The following TTLL5 variants were observed in gnomAD, a reference collection of about 807,000 sequenced individuals.
The protein encoded by TTLL5 is tubulin polyglutamylase TTLL5.
Under a neutral mutation model 168.4 loss-of-function variants are expected in TTLL5, and 132 were observed. The observed-to-expected ratio is 0.78, with a 90% CI of 0.68 to 0.91. The LOEUF is 0.91. Among genes scored for constraint, TTLL5 ranks in the 40% least tolerant of loss-of-function variants. The pLI is 0.00. For missense variants in TTLL5, 1,545 were observed against 1,581.5 expected (o/e 0.98, Z 0.39); for synonymous variants, 546 against 558.6 (o/e 0.98, Z 0.32).
At chr14:75,666,563 G>A (rs1883278734) in intron 2 of TTLL5, among the ~76,000 whole-genome samples, 1 of 152,204 alleles carries the variant, frequency 6.6e-6, no homozygotes, top group Non-Finnish European at 1.5e-5. Flanking sequence ...CAATTATAAA[G>A]TGGGTGCTAT....
chr14:75,878,474 C>T (rs955322807), intron 29 of TTLL5, among the ~76,000 whole-genome samples: 1 of 152,136 alleles, frequency 6.6e-6, no homozygotes, highest in African/African-American at 2.4e-5. Context: ...AAGGTGTGCA[C>T]CAGCCGAGTC....
chr14:75,881,778 C>T (rs914517590), intron 29 of TTLL5, among the ~76,000 whole-genome samples: 6 of 152,184 alleles, frequency 3.9e-5, no homozygotes, highest in South Asian at 2.1e-4. Context: ...TTTTACAATG[C>T]ATGTTGAAAG....
chr14:75,800,753 CCCCA>C (rs1186506955), intron 27 of TTLL5, among the ~76,000 whole-genome samples: 1 of 152,040 alleles, frequency 6.6e-6, no homozygotes, highest in African/African-American at 2.4e-5. Flanking sequence ...GGGTCTAGCC[CCCCA>C]GCAGAGCTGC....
chr14:75,869,745 A>T (rs1457580168), intron 29 of TTLL5, among the ~76,000 whole-genome samples: 1 of 152,086 alleles, frequency 6.6e-6, no homozygotes, highest in Non-Finnish European at 1.5e-5. Context: ...TCCTGCTGCT[A>T]ATAAGGCATT....
At chr14:75,726,703 G>T (rs534544098) in intron 12 of TTLL5, among the ~76,000 whole-genome samples, 1 of 152,256 alleles carries the variant, frequency 6.6e-6, no homozygotes, top group South Asian at 2.1e-4. Context: ...ATGGTAAGAA[G>T]TATGACTAAA....
At chr14:75,721,034 G>A (rs934824885) in intron 12 of TTLL5, among the ~76,000 whole-genome samples, 6 of 152,172 alleles carry the variant, frequency 3.9e-5, no homozygotes, top group Non-Finnish European at 7.3e-5. Context: ...CTCCTTGGCA[G>A]CCAGGCTGGG....
At chr14:75,714,296 C>T (rs1240844034) in intron 9 of TTLL5, among the ~76,000 whole-genome samples, 6 of 152,198 alleles carry the variant, frequency 3.9e-5, no homozygotes, top group Admixed American at 3.9e-4. Flanking sequence ...GATTCCTCCA[C>T]TGTAAAATTA....
intron 3 of TTLL5, among the ~76,000 whole-genome samples, chr14:75,679,148 G>T (rs1884401577): frequency 6.6e-6 from 1 of 152,166 alleles, no homozygotes; most frequent in Non-Finnish European, 1.5e-5. Context: ...ATGAATTAAG[G>T]TTTAGATGGA....
intron 3 of TTLL5, among the ~76,000 whole-genome samples, chr14:75,669,987 T>C (rs1365319180): frequency 6.6e-6 from 1 of 152,216 alleles, no homozygotes; most frequent in African/African-American, 2.4e-5. Context: ...TCTGGATGTT[T>C]TATATAAATG....
chr14:75,763,688 C>A (rs1421561892), intron 18 of TTLL5, among the ~76,000 whole-genome samples: 1 of 152,220 alleles, frequency 6.6e-6, no homozygotes, highest in Non-Finnish European at 1.5e-5. Flanking sequence ...AGAGCCCTCT[C>A]TTTGGTGACT....
chr14:75,866,927 C>T (rs919431224), intron 29 of TTLL5, among the ~76,000 whole-genome samples: 2 of 152,112 alleles, frequency 1.3e-5, no homozygotes, highest in Non-Finnish European at 2.9e-5. Flanking sequence ...AGAAACTTGG[C>T]GTGATCCAGT....
At chr14:75,678,958 TACTC>T (rs1305254078) in intron 3 of TTLL5, among the ~76,000 whole-genome samples, 1 of 152,244 alleles carries the variant, frequency 6.6e-6, no homozygotes, top group Non-Finnish European at 1.5e-5. Context: ...TTGAATCACT[TACTC>T]TTATAGTTTT....
intron 30 of TTLL5, among the ~76,000 whole-genome samples, chr14:75,884,010 A>T (rs2031961800): frequency 2.0e-5 from 3 of 152,226 alleles, no homozygotes; most frequent in Non-Finnish European, 2.9e-5. Context: ...TCTGCAGGTT[A>T]CAAGTTACTT....
intron 18 of TTLL5, among the ~76,000 whole-genome samples, chr14:75,758,503 G>A (rs1890422461): frequency 6.6e-6 from 1 of 151,922 alleles, no homozygotes; most frequent in African/African-American, 2.4e-5. Flanking sequence ...TGAGAAAAAA[G>A]AAAAAAATCT....
intron 28 of TTLL5, among the ~76,000 whole-genome samples, chr14:75,844,658 T>C (rs1040538406): frequency 8.5e-5 from 13 of 152,168 alleles, no homozygotes; most frequent in Non-Finnish European, 1.5e-5. Flanking sequence ...AGAGCTCAGT[T>C]GGGAGTCTGG....
At chr14:75,782,903 A>C (rs1431756328) in intron 25 of TTLL5, among the ~76,000 whole-genome samples, 1 of 152,180 alleles carries the variant, frequency 6.6e-6, no homozygotes, top group Admixed American at 6.5e-5. Flanking sequence ...TGTTTCATAG[A>C]GGTAGTCCCA....
At chr14:75,884,966 C>T (rs1423082605) in intron 30 of TTLL5, among the ~76,000 whole-genome samples, 6 of 149,958 alleles carry the variant, frequency 4.0e-5, no homozygotes, top group Admixed American at 1.3e-4. Flanking sequence ...GTCAGGAGAT[C>T]GAGACCATCC....
At chr14:75,734,504 G>A (rs1888762800) in intron 14 of TTLL5, among the ~76,000 whole-genome samples, 1 of 152,160 alleles carries the variant, frequency 6.6e-6, no homozygotes, top group African/African-American at 2.4e-5. Context: ...AAGTGGAGAT[G>A]CGCAGTCAGG....
chr14:75,745,976 TG>T (rs1430633425), intron 17 of TTLL5, among the ~76,000 whole-genome samples: 1 of 152,238 alleles, frequency 6.6e-6, no homozygotes, highest in Non-Finnish European at 1.5e-5. Flanking sequence ...AGATGATTTT[TG>T]GCAACAATAG....
Sources: gnomAD v4.1 joint callset for allele counts (sites outside exome capture counted in the v4.1 genomes callset) on GRCh38, gnomAD v4.1.1 for gene constraint, MANE v1.5 for transcripts, NCBI Gene and HGNC (gene_info 2026-07-23, HGNC 2026-07-21) for gene names.